Variants in CIMAP1D observed in about 807,000 individuals in gnomAD.
CIMAP1D encodes CIMAP1 family member D.
At chr19:475,986 ATTTTTTTTTTTTTTTTT>A in the CIMAP1D span, among the ~76,000 whole-genome samples, 1 of 39,266 alleles carries the variant, frequency 2.5e-5, no homozygotes, top group African/African-American at 1.4e-4. Flanking sequence ...CGCCTGGCTA[ATTTTTTTTTTTTTTTTT>A]TTTTTTTTTT....
At chr19:480,727 GA>G in the CIMAP1D span, among the ~76,000 whole-genome samples, 134 of 148,300 alleles carry the variant, frequency 9.0e-4, 4 homozygotes, top group African/African-American at 2.2e-3. Context: ...TGGGAAGGAT[GA>G]TGGGAAGGAT....
chr19:469,619 A>T, the CIMAP1D span, among the ~76,000 whole-genome samples: 1 of 152,014 alleles, frequency 6.6e-6, no homozygotes, highest in Non-Finnish European at 1.5e-5. Flanking sequence ...GAACCCCGGG[A>T]GGCAGAGGTT....
the CIMAP1D span, among the ~76,000 whole-genome samples, chr19:490,558 C>T: frequency 0.039 from 5,939 of 152,304 alleles, 256 homozygotes; most frequent in East Asian, 0.21. Flanking sequence ...AAATATTCAA[C>T]CTGCACTTCA....
At chr19:465,220 T>G in the CIMAP1D span, among the ~76,000 whole-genome samples, 1 of 113,068 alleles carries the variant, frequency 8.8e-6, no homozygotes, top group Non-Finnish European at 1.8e-5. Context: ...GTGGATAGAA[T>G]GTTGGGTGGA....
the CIMAP1D span, chr19:489,181 C>T: frequency 2.0e-5 from 3 of 152,086 alleles, no homozygotes; most frequent in Non-Finnish European, 4.4e-5. Flanking sequence ...GCTGCACCCG[C>T]GGAAAAGGAG....
the CIMAP1D span, among the ~76,000 whole-genome samples, chr19:487,849 G>A: frequency 1.3e-5 from 2 of 152,216 alleles, no homozygotes; most frequent in African/African-American, 4.8e-5. Flanking sequence ...TCCACAGGCA[G>A]ACAGCCCGGC....
the CIMAP1D span, among the ~76,000 whole-genome samples, chr19:470,229 C>T: frequency 7.7e-5 from 11 of 142,288 alleles, no homozygotes; most frequent in South Asian, 8.9e-4. Context: ...TTTTTTGCGA[C>T]GGAGTCTCGC....
the CIMAP1D span, chr19:463,555 G>A: frequency 2.0e-6 from 1 of 487,998 alleles, no homozygotes; most frequent in African/African-American, 2.0e-5. Context: ...CCAGCTACTG[G>A]GGAGGGCCGG....
chr19:477,318 A>G, the CIMAP1D span, among the ~76,000 whole-genome samples: 1 of 152,374 alleles, frequency 6.6e-6, no homozygotes, highest in East Asian at 1.9e-4. Flanking sequence ...TCATGCCTGT[A>G]ATCCCAGCAC....
chr19:464,148 G>GC, the CIMAP1D span: 1 of 599,756 alleles, frequency 1.7e-6, no homozygotes, highest in Non-Finnish European at 2.8e-6. Flanking sequence ...GGCGGGGGGG[G>GC]TGCGGCCCAC....
the CIMAP1D span, among the ~76,000 whole-genome samples, chr19:475,417 A>G: frequency 6.6e-6 from 1 of 152,194 alleles, no homozygotes; most frequent in Non-Finnish European, 1.5e-5. Context: ...ATAAGTGAAC[A>G]CAGTCTGGTG....
chr19:481,005 TGAC>T, the CIMAP1D span, among the ~76,000 whole-genome samples: 2 of 92,630 alleles, frequency 2.2e-5, no homozygotes, highest in South Asian at 3.7e-4. Context: ...TGGAAAACGA[TGAC>T]GGAGAATGAT....
At chr19:482,316 C>G in the CIMAP1D span, among the ~76,000 whole-genome samples, 1 of 152,156 alleles carries the variant, frequency 6.6e-6, no homozygotes, top group African/African-American at 2.4e-5. Context: ...GACCTGTGGA[C>G]GCTGTGTCGG....
chr19:474,753 GC>G, the CIMAP1D span: 1 of 1,511,390 alleles, frequency 6.6e-7, no homozygotes, highest in Non-Finnish European at 8.9e-7. Flanking sequence ...CCCATGGTGG[GC>G]AGGCGATGGC....
the CIMAP1D span, among the ~76,000 whole-genome samples, chr19:480,095 G>A: frequency 1.3e-5 from 2 of 152,248 alleles, no homozygotes; most frequent in Admixed American, 1.3e-4. Context: ...CGCTCCAGCA[G>A]AGACCAGAGG....
the CIMAP1D span, chr19:472,527 C>T: frequency 1.4e-6 from 2 of 1,476,160 alleles, no homozygotes; most frequent in Admixed American, 2.1e-5. Flanking sequence ...CTCAGGTCAC[C>T]TCCTGGGCCC....
the CIMAP1D span, chr19:490,010 C>G: frequency 2.5e-6 from 1 of 398,336 alleles, no homozygotes; most frequent in Non-Finnish European, 4.4e-6. Flanking sequence ...CCGGCGGCCA[C>G]GATAGAAAGA....
the CIMAP1D span, chr19:467,663 C>T: frequency 5.3e-5 from 86 of 1,611,408 alleles, no homozygotes; most frequent in South Asian, 1.3e-4. Context: ...AGACTTGGCC[C>T]GGCCCTGCAT....
the CIMAP1D span, among the ~76,000 whole-genome samples, chr19:490,611 A>G: frequency 6.6e-6 from 1 of 152,326 alleles, no homozygotes; most frequent in African/African-American, 2.4e-5. Flanking sequence ...CACAAACCCT[A>G]GCTGTTGCAC....
Sources: gnomAD v4.1 joint callset for allele counts (sites outside exome capture counted in the v4.1 genomes callset) on GRCh38, gnomAD v4.1.1 for gene constraint, MANE v1.5 for transcripts, NCBI Gene and HGNC (gene_info 2026-07-23, HGNC 2026-07-21) for gene names.